DEPDC1B: variants seen among roughly 807,000 people sequenced by gnomAD.
DEPDC1B encodes DEP domain-containing protein 1B.
DEPDC1B carries 51 observed loss-of-function variants against 66.5 expected under a neutral mutation model. The ratio of observed to expected loss-of-function variants is 0.77; its 90% CI spans 0.61 to 0.97. DEPDC1B has a LOEUF of 0.97. Among genes scored for constraint, DEPDC1B ranks in the 50% least tolerant of loss-of-function variants. DEPDC1B has a pLI of 0.00. For missense variants in DEPDC1B, 552 were observed against 637.1 expected (o/e 0.87, Z 1.44); for synonymous variants, 226 against 223.6 (o/e 1.01, Z -0.10).
intron 1 of DEPDC1B, among the ~76,000 whole-genome samples, chr5:60,693,253 G>A (rs1035508669): frequency 2.0e-5 from 3 of 152,284 alleles, no homozygotes; most frequent in Middle Eastern, 3.4e-3. Flanking sequence ...TGAACTGGTT[G>A]GTTGGGGTGG....
At chr5:60,664,032 C>T (rs1445173171) in intron 2 of DEPDC1B, among the ~76,000 whole-genome samples, 1 of 152,202 alleles carries the variant, frequency 6.6e-6, no homozygotes, top group Non-Finnish European at 1.5e-5. Flanking sequence ...GGCCATTATA[C>T]ACACTAATTA....
chr5:60,689,321 G>C (rs1754492246), intron 1 of DEPDC1B, among the ~76,000 whole-genome samples: 1 of 152,172 alleles, frequency 6.6e-6, no homozygotes, highest in Non-Finnish European at 1.5e-5. Flanking sequence ...AGTTATATCA[G>C]TGAGGAGGAA....
intron 1 of DEPDC1B, among the ~76,000 whole-genome samples, chr5:60,696,962 G>A (rs575588813): frequency 2.6e-5 from 4 of 152,100 alleles, no homozygotes; most frequent in African/African-American, 9.7e-5. Context: ...CCACAACCTC[G>A]TTGTGTGATC....
At chr5:60,654,796 A>C (rs1365909272) in intron 2 of DEPDC1B, among the ~76,000 whole-genome samples, 1 of 148,754 alleles carries the variant, frequency 6.7e-6, no homozygotes, top group Middle Eastern at 3.2e-3. Flanking sequence ...CTTAAGGTAC[A>C]TCCCCTCTAG....
At chr5:60,676,033 T>C (rs368630523) in intron 2 of DEPDC1B, among the ~76,000 whole-genome samples, 1 of 151,916 alleles carries the variant, frequency 6.6e-6, no homozygotes, top group East Asian at 1.9e-4. Context: ...GTTCATGCCA[T>C]TCTCCTGCCT....
chr5:60,617,782 G>C (rs543723054), intron 7 of DEPDC1B, among the ~76,000 whole-genome samples: 2 of 152,284 alleles, frequency 1.3e-5, no homozygotes, highest in South Asian at 4.1e-4. Flanking sequence ...TCTGCACCAA[G>C]TGGACCTAAT....
chr5:60,656,159 ATTTTTTTTT>A (rs59421459), intron 2 of DEPDC1B, among the ~76,000 whole-genome samples: 1 of 125,928 alleles, frequency 7.9e-6, no homozygotes, highest in Admixed American at 7.8e-5. Context: ...GTTTAAGTCC[ATTTTTTTTT>A]TTTTTTTTTT....
chr5:60,641,333 C>T (rs1378666627), intron 6 of DEPDC1B, among the ~76,000 whole-genome samples: 1 of 150,194 alleles, frequency 6.7e-6, no homozygotes, highest in Non-Finnish European at 1.5e-5. Context: ...TATGTTCATT[C>T]CTAGCTGATC....
intron 2 of DEPDC1B, among the ~76,000 whole-genome samples, chr5:60,684,442 A>G (rs1754364774): frequency 6.6e-6 from 1 of 152,192 alleles, no homozygotes; most frequent in Admixed American, 6.5e-5. Flanking sequence ...AAATAAATCC[A>G]TGTGTTTACA....
intron 1 of DEPDC1B, among the ~76,000 whole-genome samples, chr5:60,694,235 T>C (rs549576404): frequency 7.2e-4 from 109 of 152,324 alleles, no homozygotes; most frequent in Non-Finnish European, 1.4e-3. Context: ...AGATCAATCA[T>C]GTTGTATATG....
intron 7 of DEPDC1B, among the ~76,000 whole-genome samples, chr5:60,621,606 C>T (rs1314754867): frequency 1.3e-5 from 2 of 151,908 alleles, no homozygotes; most frequent in Non-Finnish European, 2.9e-5. Flanking sequence ...ATGGGTGCAG[C>T]ACACCAACAT....
intron 9 of DEPDC1B, among the ~76,000 whole-genome samples, chr5:60,601,130 A>G (rs1752192631): frequency 6.6e-6 from 1 of 151,864 alleles, no homozygotes; most frequent in Non-Finnish European, 1.5e-5. Flanking sequence ...GCCATGCTGA[A>G]CTCTGAGTCA....
intron 7 of DEPDC1B, among the ~76,000 whole-genome samples, chr5:60,636,433 C>T (rs1753045513): frequency 6.6e-6 from 1 of 152,208 alleles, no homozygotes; most frequent in African/African-American, 2.4e-5. Flanking sequence ...AGCTGAACAT[C>T]ACTTCCATTG....
chr5:60,659,613 C>A (rs557409276), intron 2 of DEPDC1B, among the ~76,000 whole-genome samples: 110 of 152,280 alleles, frequency 7.2e-4, no homozygotes, highest in African/African-American at 2.4e-3. Context: ...GTTGAGATCA[C>A]GGCACAGCCA....
intron 7 of DEPDC1B, among the ~76,000 whole-genome samples, chr5:60,620,727 T>G (rs1447810554): frequency 1.3e-5 from 2 of 152,202 alleles, no homozygotes; most frequent in Non-Finnish European, 2.9e-5. Flanking sequence ...TGGAAGACAG[T>G]GTGGCGATTC....
In DEPDC1B at chr5:60,627,457, A is replaced by C. The variant is rs542255648; in HGVS notation, c.898+11293T>G. Among the ~76,000 whole-genome samples, 151 of 151,608 alleles carry C rather than the reference A, an allele frequency of 1.0e-3. 1 individual carries two copies. The highest frequency in any genetic ancestry group is 1.7e-3 in the Non-Finnish European group (118 of 67,820). On this transcript the variant is annotated intron_variant, in intron 7 of 10. Transcript: ENST00000265036. ...TATCTTTTTTTTTTCTCCCAAAGAG[A>C]TTCAATGTTGTAACTGTTTTATTAT...
chr5:60,650,431 C>T (rs1753422528), intron 2 of DEPDC1B, among the ~76,000 whole-genome samples: 1 of 152,150 alleles, frequency 6.6e-6, no homozygotes, highest in African/African-American at 2.4e-5. Flanking sequence ...CTGGGGGATG[C>T]TGCTAAGTGC....
chr5:60,602,311 T>C (rs1187858964), intron 9 of DEPDC1B, among the ~76,000 whole-genome samples: 1 of 151,074 alleles, frequency 6.6e-6, no homozygotes, highest in Non-Finnish European at 1.5e-5. Flanking sequence ...CTGATACTTT[T>C]TGGTGTGTTT....
intron 6 of DEPDC1B, 137 bp downstream of exon 6, chr5:60,642,675 C>A: frequency 1.6e-6 from 1 of 634,146 alleles, no homozygotes; most frequent in Non-Finnish European, 2.8e-6. Flanking sequence ...TCACTAAAAG[C>A]ACAGTAGTCC....
Sources: allele counts gnomAD v4.1 joint callset (sites outside exome capture counted in the v4.1 genomes callset), GRCh38; gene constraint gnomAD v4.1.1; transcripts MANE v1.5; gene names NCBI Gene and HGNC (gene_info 2026-07-23, HGNC 2026-07-21).